The following INPPL1 variants were observed in gnomAD, a reference collection of about 807,000 sequenced individuals.
INPPL1 encodes the protein phosphatidylinositol 3,4,5-trisphosphate 5-phosphatase 2.
Under a neutral mutation model 139.3 loss-of-function variants are expected in INPPL1, and 91 were observed. That is an observed-to-expected ratio of 0.65 (90% CI 0.55 to 0.78). INPPL1 has a LOEUF of 0.78. Ranked by LOEUF, INPPL1 falls within the 30% of genes least tolerant of loss-of-function variation. The pLI is 0.00. For missense variants in INPPL1, 1,411 were observed against 1,665.6 expected (o/e 0.85, Z 2.66); for synonymous variants, 719 against 686.6 (o/e 1.05, Z -0.74).
chr11:72,230,054 G>A (rs372689513), intron 8 of INPPL1, 35 bp downstream of exon 8: 2 of 1,613,946 alleles, frequency 1.2e-6, no homozygotes, highest in Non-Finnish European at 1.7e-6. Context: ...GGCCAAGGGT[G>A]GTTGGAGGTG....
At position 72,229,073 on chromosome 11, in the gene INPPL1, T is replaced by C. The variant is rs1948756331; in HGVS notation, c.519-17T>C. Reference sequence around the variant, plus strand: ...GGTCAGCAGGACCTCCACTGACTTCTTAACCCCTCCCCAAAGTGCTCCCAA... The same window carrying C: ...GGTCAGCAGGACCTCCACTGACTTCCTAACCCCTCCCCAAAGTGCTCCCAA... On this transcript the variant is annotated splice_polypyrimidine_tract_variant and intron_variant, in intron 4 of 27. Transcript: ENST00000298229. The C allele has an allele frequency of 6.9e-6, 11 of 1,597,396 alleles. No individual in the cohort carries two copies. The highest frequency in any genetic ancestry group is 9.4e-6 in the Non-Finnish European group (11 of 1,169,918).
In INPPL1 at chr11:72,238,098, C is replaced by T; in HGVS notation, c.3609C>T (p.Ala1203=). ...GGCTGGGCGAGGCAGGCATGAGTGCCTGGCTGCGGGCCATCGGCTTGGAGC... is the reference window on the plus strand; with the variant it reads ...GGCTGGGCGAGGCAGGCATGAGTGCTTGGCTGCGGGCCATCGGCTTGGAGC... ...ASGLGEAGMS[A]WLRAIGLERY... Residue 1203 remains alanine (A), a synonymous_variant, in exon 27 of 28, where the codon GCC becomes GCT. Coordinates refer to ENST00000298229, the MANE Select transcript of INPPL1 (RefSeq NM_001567.4). The T allele has an allele frequency of 6.3e-7, 1 of 1,582,712 alleles. No individual in the cohort carries two copies.
chr11:72,237,507 C>G lies in INPPL1; in HGVS notation c.3263C>G (p.Pro1088Arg). Residue 1088 changes from proline (P) to arginine (R), a missense_variant, in exon 26 of 28, where the codon CCA becomes CGA. Physicochemically the swap from Pro to Arg is moderately radical, Grantham distance 103. Transcript: ENST00000298229. ...CGTGGTGGGGCTGAGGCCCGTGGCCCACCACCTCCCAAGGCCCATCCAAGG... is the reference window on the plus strand; with the variant it reads ...CGTGGTGGGGCTGAGGCCCGTGGCCGACCACCTCCCAAGGCCCATCCAAGG... ...RGRGGAEARG[P>R]PPPKAHPRPP... 2.5e-6 allele frequency: 4 copies of G among 1,609,024 alleles called. No homozygotes were observed. Among genetic ancestry groups the G allele is most frequent in the East Asian group, 2.2e-5 (1 of 44,738 alleles).
In INPPL1 at chr11:72,228,288, C is replaced by T. The variant is rs1200055838; in HGVS notation, c.246+35C>T. The T allele has an allele frequency of 1.2e-6, 2 of 1,614,076 alleles. No individual in the cohort carries two copies. Among genetic ancestry groups the T allele is most frequent in the Admixed American group, 3.3e-5 (2 of 60,010 alleles). ...TGGGCCCCTGACCCCTGACCTTGAT[C>T]CAGCCTAGGGCTTGGGGACCTGCTG... On this transcript the variant is annotated intron_variant, in intron 2 of 27. Coordinates refer to ENST00000298229, the MANE Select transcript of INPPL1 (RefSeq NM_001567.4). The surrounding 1 kb of genome is among the most constrained non-coding windows in gnomAD (Gnocchi z 5.0).
chr11:72,232,419 G>T, intron 14 of INPPL1, 83 bp downstream of exon 14: 1 of 1,338,480 alleles, frequency 7.5e-7, no homozygotes, highest in South Asian at 1.3e-5. Flanking sequence ...CCTAGCCCAT[G>T]ACCCTCCCGC....
At chr11:72,225,334 G>A (rs1948639901) in intron 1 of INPPL1, 168 bp downstream of exon 1, 1 of 985,328 alleles carries the variant, frequency 1.0e-6, no homozygotes, top group Non-Finnish European at 1.2e-6. Context: ...GAGGGACGCA[G>A]GGGCACTTCC....
chr11:72,232,800 T>C (rs1948872307), intron 15 of INPPL1, 36 bp downstream of exon 15: 1 of 1,613,842 alleles, frequency 6.2e-7, no homozygotes, highest in Non-Finnish European at 8.5e-7. Context: ...GTAGGGAGGC[T>C]AAGGGCCACA....
In INPPL1 at chr11:72,230,001, C is replaced by T; in HGVS notation, c.921C>T (p.Ile307=). 6.2e-7 allele frequency: 1 copy of T among 1,614,228 alleles called. No homozygotes were observed. The highest frequency in any genetic ancestry group is 1.3e-5 in the African/African-American group (1 of 75,062). The change falls in exon 8 of 28, where the codon ATC becomes ATT. Residue 307 remains isoleucine (I), a synonymous_variant. Coordinates refer to ENST00000298229, the MANE Select transcript of INPPL1 (RefSeq NM_001567.4). ...PQPSTRKAKT[I]PVQAFEVKLD... is the part of the protein sequence containing the mutation. ...CATCCACACGTAAGGCCAAGACCAT[C>T]CCCGTGCAGGCCTTTGAGGTACATG...
At position 72,228,169 on chromosome 11, in the gene INPPL1, C is replaced by T. The variant is rs1161614879; in HGVS notation, c.183-21C>T. 1.9e-6 allele frequency: 3 copies of T among 1,613,990 alleles called. No homozygotes were observed. Among genetic ancestry groups the T allele is most frequent in the East Asian group, 4.5e-5 (2 of 44,878 alleles). ...GACCCCAGCCTGGGGGTGACAGATTCTGGCCCTGCCTTGGCATCAGGTATC... is the reference window on the plus strand; with the variant it reads ...GACCCCAGCCTGGGGGTGACAGATTTTGGCCCTGCCTTGGCATCAGGTATC... On this transcript the variant is annotated intron_variant, in intron 1 of 27. Transcript: ENST00000298229. The surrounding 1 kb of genome is among the most constrained non-coding windows in gnomAD (Gnocchi z 5.0).
At chr11:72,227,981 G>C in intron 1 of INPPL1, 1 of 459,242 alleles carries the variant, frequency 2.2e-6, no homozygotes, top group East Asian at 3.5e-5. Context: ...GGAGACGGGG[G>C]TGTTCTGGTC....
chr11:72,229,368 G>A, intron 5 of INPPL1, 97 bp from the exon 6 acceptor site: 1 of 1,419,894 alleles, frequency 7.0e-7, no homozygotes, highest in Non-Finnish European at 9.9e-7. Context: ...CTCACTGGTA[G>A]CCTTTATCCT....
chr11:72,237,877 C>T, intron 26 of INPPL1, 81 bp downstream of exon 26: 1 of 1,484,724 alleles, frequency 6.7e-7, no homozygotes, highest in Non-Finnish European at 9.0e-7. Flanking sequence ...CACCATTCAG[C>T]ACTCATGGTG....
Position 72,225,084 on chromosome 11 carries a change from C to T in INPPL1, c.100C>T (p.Leu34=), listed in dbSNP as rs1948630215. The change falls in exon 1 of 28, where the codon CTG becomes TTG. Residue 34 remains leucine, a synonymous_variant. Transcript: ENST00000298229. Reference sequence around the variant, plus strand: ...CCTGAGCCGGGCGGCCGCGGAGGAGCTGCTGGCCCGGGCGGGCCGCGATGG... The same window carrying T: ...CCTGAGCCGGGCGGCCGCGGAGGAGTTGCTGGCCCGGGCGGGCCGCGATGG... ...RDLSRAAAEE[L]LARAGRDGSF... The T allele has an allele frequency of 8.1e-7, 1 of 1,231,028 alleles. No homozygotes were observed. The allele number at this position is 1,231,028 out of a possible 1,614,324, so 76.3% of individuals were successfully genotyped here.
rs754201123 is a variant in INPPL1, at chr11:72,235,649, C to CT, written c.2660-25dup. ...TGGGATCCAGGAGCCCAGGTCTCCT[C>CT]TGAGTCTCCCTTCCTGCCCCCTCAG... On this transcript the variant is annotated intron_variant, in intron 23 of 27. Coordinates refer to ENST00000298229, the MANE Select transcript of INPPL1 (RefSeq NM_001567.4). This position sits in a 1 kb window ranked among gnomAD's most constrained non-coding sequence, Gnocchi z 4.9. 1 of 1,612,700 alleles carries CT rather than the reference C, an allele frequency of 6.2e-7. No homozygotes were observed. Among genetic ancestry groups the CT allele is most frequent in the South Asian group, 1.1e-5 (1 of 90,978 alleles).
At position 72,238,567 on chromosome 11, in the gene INPPL1, C is replaced by A; in HGVS notation, c.*214C>A. 2 of 429,850 alleles carry A rather than the reference C, an allele frequency of 4.7e-6. No individual in the cohort carries two copies. Among genetic ancestry groups the A allele is most frequent in the African/African-American group, 4.1e-5 (2 of 48,656 alleles). 26.6% of individuals were successfully genotyped at this position (429,850 alleles called of 1,614,324 possible). A position where few individuals can be genotyped will look rare whatever the true frequency, so the allele number is the denominator to read the frequency against. The stretch of plus-strand genomic sequence containing the variant: ...TGCCCCTCGCCTTTTAGGCTCAGGA[C>A]GGAAGGTCAGTTGCCATGGTTACCG... On this transcript the variant is annotated 3_prime_UTR_variant, in exon 28 of 28. Coordinates refer to ENST00000298229, the MANE Select transcript of INPPL1 (RefSeq NM_001567.4).
In INPPL1 at chr11:72,229,509, TG is replaced by T. The variant is rs1389163701; in HGVS notation, c.705del (p.Phe236LeufsTer9). On this transcript the variant is annotated frameshift_variant, in exon 6 of 28. Transcript: ENST00000298229. LOFTEE classifies it high-confidence loss of function. ...TCAGGCCTGGAGATCCTGTCCAAGGTGTTTGACCAGCAGAGCTCGCCCATGG... is the reference window on the plus strand; with the variant it reads ...TCAGGCCTGGAGATCCTGTCCAAGGTTTTGACCAGCAGAGCTCGCCCATGG... Reference protein sequence around the residue: ...VLSGLEILSKVFDQQSSPMVT... With the variant: ...VLSGLEILSKXFDQQSSPMVT... 1 of 1,613,892 alleles carries T rather than the reference TG, an allele frequency of 6.2e-7. No homozygotes were observed. The highest frequency in any genetic ancestry group is 8.5e-7 in the Non-Finnish European group (1 of 1,179,986).
Position 72,235,196 on chromosome 11 carries a change from A to G in INPPL1, c.2496A>G (p.Glu832=), listed in dbSNP as rs374764821. The G allele has an allele frequency of 3.7e-6, 6 of 1,613,936 alleles. No individual in the cohort carries two copies. In the African/African-American group the frequency reaches 6.7e-5, roughly 18 times the overall value. Residue 832 remains glutamate, a synonymous_variant, in exon 22 of 28, where the codon GAA becomes GAG. Transcript: ENST00000298229. The surrounding 1 kb of genome is among the most constrained non-coding windows in gnomAD (Gnocchi z 4.9). ...LLTVKSMDGY[E]SYGECVVALK... ...CAGTCAAGTCCATGGATGGCTATGA[A>G]TCCTATGGTGAGGGGTGAGGGGTGC... is the stretch of plus-strand genomic sequence containing the variant.
rs377326014 is a variant in INPPL1, at chr11:72,238,278, G to C, written c.3702G>C (p.Glu1234Asp). The C allele has an allele frequency of 1.2e-6, 2 of 1,612,010 alleles. No homozygotes were observed. Among genetic ancestry groups the C allele is most frequent in the African/African-American group, 2.7e-5 (2 of 74,824 alleles). ...TACTCCACAGTGACATCACCGAGGA[G>C]GACTTGGAGGAGGCTGGGGTGCAGG... ...DLEFLSDITE[E>D]DLEEAGVQDP... The change falls in exon 28 of 28, where the codon GAG (glutamate) becomes GAC (aspartate). Residue 1234 changes from glutamate (E) to aspartate (D), a missense_variant. Physicochemically the swap from Glu to Asp is conservative, Grantham distance 45. This residue lies in a region of INPPL1 where 438 missense variants were observed against 425.7 expected (regional missense o/e 1.03). Coordinates refer to ENST00000298229, the MANE Select transcript of INPPL1 (RefSeq NM_001567.4).
chr11:72,230,884 G>A lies in INPPL1; in HGVS notation c.1286G>A (p.Gly429Asp), dbSNP rs764381211. Residue 429 changes from glycine to aspartate, a missense_variant, in exon 11 of 28, where the codon GGC (glycine) becomes GAC (aspartate). Physicochemically the swap from Gly to Asp is moderately conservative, Grantham distance 94. Transcript: ENST00000298229. ...DEPDMISVFI[G>D]TWNMGSVPPP... ...CCCGACATGATCTCAGTCTTCATAGGCACCTGGAACATGGGTCAGGCCCGG... is the reference window on the plus strand; with the variant it reads ...CCCGACATGATCTCAGTCTTCATAGACACCTGGAACATGGGTCAGGCCCGG... 6.2e-7 allele frequency: 1 copy of A among 1,614,044 alleles called. No homozygotes were observed. Among genetic ancestry groups the A allele is most frequent in the Non-Finnish European group, 8.5e-7 (1 of 1,179,976 alleles).
Sources: allele counts gnomAD v4.1 joint callset, GRCh38; gene constraint gnomAD v4.1.1; regional missense constraint gnomAD v4.1.1; non-coding constraint Gnocchi (gnomAD v3.1); transcripts MANE v1.5; gene names NCBI Gene and HGNC (gene_info 2026-07-23, HGNC 2026-07-21).